NPSR1: variants seen among roughly 807,000 people sequenced by gnomAD.
NPSR1 encodes neuropeptide S receptor.
In NPSR1, 48 loss-of-function variants were observed where a neutral mutation model predicts 46.9. The ratio of observed to expected loss-of-function variants is 1.02; its 90% CI spans 0.81 to 1.30. NPSR1 has a LOEUF of 1.30. Ranked by LOEUF, NPSR1 falls within the 50% of genes most tolerant of loss-of-function variation. NPSR1 has a pLI of 0.00. For missense variants in NPSR1, 450 were observed against 449.5 expected (o/e 1.00, Z -0.01); for synonymous variants, 176 against 168.1 (o/e 1.05, Z -0.36).
intron 2 of NPSR1, among the ~76,000 whole-genome samples, chr7:34,690,307 A>C (rs1793183635): frequency 6.6e-6 from 1 of 152,230 alleles, no homozygotes; most frequent in South Asian, 2.1e-4. Flanking sequence ...TCTGGATGAG[A>C]AGGAACCAGA....
At chr7:34,807,355 A>G (rs995399481) in intron 3 of NPSR1, among the ~76,000 whole-genome samples, 2 of 151,692 alleles carry the variant, frequency 1.3e-5, no homozygotes, top group Non-Finnish European at 1.5e-5. Flanking sequence ...ATTTTTTTCT[A>G]TCTGTATATT....
rs908675165 is a variant in NPSR1, at chr7:34,802,348, G to C, written c.385-9422G>C. 3.1e-4 allele frequency among the ~76,000 whole-genome samples: 47 copies of C among 150,232 alleles called. 1 individual carries two copies. The highest frequency in any genetic ancestry group is 3.4e-3 in the Middle Eastern group (1 of 294). ...AGGCTACAATAACCAAAACAGCATGGTACTGGTACCAAAACAGAGATATAG... is the reference window on the plus strand; with the variant it reads ...AGGCTACAATAACCAAAACAGCATGCTACTGGTACCAAAACAGAGATATAG... On this transcript the variant is annotated intron_variant, in intron 3 of 8. Transcript: ENST00000360581.
At chr7:34,868,098 G>T (rs1236809984) in intron 8 of NPSR1, among the ~76,000 whole-genome samples, 4 of 151,840 alleles carry the variant, frequency 2.6e-5, no homozygotes, top group Admixed American at 1.3e-4. Flanking sequence ...CACAGTGGGA[G>T]AGTGGACTGT....
intron 8 of NPSR1, among the ~76,000 whole-genome samples, chr7:34,876,322 G>A (rs1372991683): frequency 1.1e-4 from 16 of 152,130 alleles, no homozygotes; most frequent in Admixed American, 1.0e-3. Flanking sequence ...TATGCTTTTT[G>A]GATCTCATTT....
intron 2 of NPSR1, among the ~76,000 whole-genome samples, chr7:34,714,160 A>G (rs868170075): frequency 3.9e-5 from 6 of 152,150 alleles, no homozygotes; most frequent in African/African-American, 1.4e-4. Flanking sequence ...GTTCCTCCTC[A>G]CTTGGGCCTC....
At chr7:34,727,983 C>G (rs1178724203) in intron 2 of NPSR1, among the ~76,000 whole-genome samples, 1 of 151,350 alleles carries the variant, frequency 6.6e-6, no homozygotes, top group African/African-American at 2.4e-5. Flanking sequence ...AAACCTGAGG[C>G]TTTCTTGCCA....
At chr7:34,666,927 G>T (rs1050892836) in intron 1 of NPSR1, among the ~76,000 whole-genome samples, 6 of 152,156 alleles carry the variant, frequency 3.9e-5, no homozygotes, top group African/African-American at 1.4e-4. Flanking sequence ...CCTCCTCAAA[G>T]AAAAGGGCCT....
At chr7:34,767,649 AAT>A (rs2128731768) in intron 2 of NPSR1, among the ~76,000 whole-genome samples, 1 of 152,304 alleles carries the variant, frequency 6.6e-6, no homozygotes, top group Admixed American at 6.5e-5. Flanking sequence ...AATAGTCTAA[AAT>A]ATATGTCATT....
rs1792827079 is a variant in NPSR1 at position 34,684,556 on chromosome 7, A to G, written c.152A>G (p.Glu51Gly). 6.2e-7 allele frequency: 1 copy of G among 1,613,174 alleles called. No individual in the cohort carries two copies. The highest frequency in any genetic ancestry group is 8.5e-7 in the Non-Finnish European group (1 of 1,179,686). ...ATTTTTCTCTGTTTCTTGCAGACTG[A>G]GCAATTGATAACTCTGTGGGTCCTC... The part of the protein sequence containing the change: ...WGSFYYSFKT[E>G]QLITLWVLFV... Residue 51 changes from glutamate to glycine, a missense_variant, in exon 2 of 9, where the codon GAG becomes GGG. By Grantham distance (98) the Glu-to-Gly change is moderately conservative. Coordinates refer to ENST00000360581, the MANE Select transcript of NPSR1 (RefSeq NM_207172.2).
At chr7:34,680,822 T>C (rs1447316330) in intron 1 of NPSR1, among the ~76,000 whole-genome samples, 4 of 152,108 alleles carry the variant, frequency 2.6e-5, no homozygotes, top group African/African-American at 9.7e-5. Context: ...TTTGGATGCA[T>C]GTATAAGTGG....
At chr7:34,804,795 T>C (rs768692568) in intron 3 of NPSR1, among the ~76,000 whole-genome samples, 1 of 151,398 alleles carries the variant, frequency 6.6e-6, no homozygotes. Flanking sequence ...ACAAGAAAAA[T>C]AAAAACAAAC....
At chr7:34,712,372 C>A (rs1285549672) in intron 2 of NPSR1, among the ~76,000 whole-genome samples, 1 of 152,172 alleles carries the variant, frequency 6.6e-6, no homozygotes, top group Non-Finnish European at 1.5e-5. Flanking sequence ...ATGCCTTCTT[C>A]ACACTGTAGC....
chr7:34,828,822 C>T (rs1212833040), intron 5 of NPSR1, among the ~76,000 whole-genome samples: 1 of 152,050 alleles, frequency 6.6e-6, no homozygotes, highest in African/African-American at 2.4e-5. Context: ...TCACAAGCTG[C>T]CCTTGAGAAA....
intron 6 of NPSR1, among the ~76,000 whole-genome samples, 185 bp downstream of exon 6, chr7:34,834,645 C>T (rs1790285541): frequency 6.6e-6 from 1 of 152,140 alleles, no homozygotes; most frequent in African/African-American, 2.4e-5. Flanking sequence ...ATGTGACCTC[C>T]CTGAAATCTA....
intron 8 of NPSR1, among the ~76,000 whole-genome samples, chr7:34,859,298 C>T (rs1161288500): frequency 1.3e-5 from 2 of 151,764 alleles, no homozygotes; most frequent in East Asian, 3.8e-4. Context: ...CTGTTCTCTT[C>T]TTGCCTGCCA....
At chr7:34,799,649 C>G (rs907620332) in intron 3 of NPSR1, among the ~76,000 whole-genome samples, 3 of 148,508 alleles carry the variant, frequency 2.0e-5, no homozygotes, top group African/African-American at 5.0e-5. Context: ...TAGGAAGAAA[C>G]TGCATCAACT....
chr7:34,866,966 G>A (rs1432732747), intron 8 of NPSR1, among the ~76,000 whole-genome samples: 1 of 151,644 alleles, frequency 6.6e-6, no homozygotes, highest in Non-Finnish European at 1.5e-5. Flanking sequence ...CTGGGGATGG[G>A]AGAACTAAAG....
At chr7:34,686,154 T>A (rs1032802844) in intron 2 of NPSR1, 2 of 152,416 alleles carry the variant, frequency 1.3e-5, no homozygotes, top group Non-Finnish European at 2.9e-5. Flanking sequence ...TAATTGAAAA[T>A]TCACTACATA....
At chr7:34,728,311 G>C (rs569344835) in intron 2 of NPSR1, among the ~76,000 whole-genome samples, 2 of 152,310 alleles carry the variant, frequency 1.3e-5, no homozygotes, top group South Asian at 4.1e-4. Flanking sequence ...CGCTGGAACA[G>C]GGTATCAGAA....
Sources: gnomAD v4.1 joint callset for allele counts (sites outside exome capture counted in the v4.1 genomes callset) on GRCh38, gnomAD v4.1.1 for gene constraint, MANE v1.5 for transcripts, NCBI Gene and HGNC (gene_info 2026-07-23, HGNC 2026-07-21) for gene names.